The following FXYD6 variants were observed in gnomAD, a reference collection of about 807,000 sequenced individuals.
FXYD6 encodes FXYD domain-containing ion transport regulator 6.
A neutral mutation model predicts 16.7 loss-of-function variants in FXYD6; 7 were observed. The observed-to-expected ratio is 0.42, with a 90% CI of 0.24 to 0.79. FXYD6 has a LOEUF of 0.79. Ranked by LOEUF, FXYD6 falls within the 30% of genes least tolerant of loss-of-function variation. The pLI, the probability that FXYD6 is intolerant of heterozygous loss-of-function variation, is 0.28. For synonymous variants in FXYD6, 49 were observed against 43.0 expected, an observed-to-expected ratio of 1.14 and a Z score of -0.54; for missense variants, 111 against 116.2, an observed-to-expected ratio of 0.95 and a Z score of 0.21.
intron 1 of FXYD6, among the ~76,000 whole-genome samples, chr11:117,867,346 C>G (rs1387976650): frequency 1.3e-5 from 2 of 152,226 alleles, no homozygotes; most frequent in African/African-American, 4.8e-5. Context: ...TCTCCTTCCC[C>G]ATCTCCACAC....
intron 5 of FXYD6, 29 bp downstream of exon 5, chr11:117,841,119 C>T (rs1340097893): frequency 3.1e-6 from 5 of 1,614,020 alleles, no homozygotes; most frequent in Non-Finnish European, 4.2e-6. Context: ...AGTATCACCC[C>T]CCCAAGGCCA....
chr11:117,841,598 T>C, intron 4 of FXYD6, 193 bp downstream of exon 4: 1 of 635,698 alleles, frequency 1.6e-6, no homozygotes, highest in Non-Finnish European at 2.8e-6. Flanking sequence ...GACATTTTCT[T>C]TGTTCCCGTG....
chr11:117,873,571 G>A (rs1441691037), intron 1 of FXYD6, among the ~76,000 whole-genome samples: 3 of 152,226 alleles, frequency 2.0e-5, no homozygotes, highest in Admixed American at 1.3e-4. Flanking sequence ...CAGGCTCCCT[G>A]CCTCCTTGGG....
chr11:117,867,039 T>A (rs2057027781), intron 1 of FXYD6, among the ~76,000 whole-genome samples: 1 of 152,198 alleles, frequency 6.6e-6, no homozygotes, highest in Non-Finnish European at 1.5e-5. Flanking sequence ...ATCCTAACAG[T>A]CATTTATATC....
chr11:117,867,054 C>A (rs922230092), intron 1 of FXYD6, among the ~76,000 whole-genome samples: 2 of 152,168 alleles, frequency 1.3e-5, no homozygotes, highest in African/African-American at 4.8e-5. Context: ...TATATCTTGG[C>A]CTGAGTTATT....
intron 1 of FXYD6, among the ~76,000 whole-genome samples, chr11:117,853,537 A>T (rs2056653859): frequency 6.6e-6 from 1 of 152,084 alleles, no homozygotes; most frequent in African/African-American, 2.4e-5. Context: ...TCACTGTGTC[A>T]CTCAGGCTGG....
chr11:117,842,200 TA>T, intron 2 of FXYD6, 172 bp from the exon 3 acceptor site: 1 of 938,060 alleles, frequency 1.1e-6, no homozygotes, highest in Non-Finnish European at 1.6e-6. Flanking sequence ...GTTAGGGGGT[TA>T]GGGGAACCCT....
At chr11:117,863,126 G>T (rs1233988639) in intron 1 of FXYD6, among the ~76,000 whole-genome samples, 3 of 152,094 alleles carry the variant, frequency 2.0e-5, no homozygotes, top group Admixed American at 2.0e-4. Flanking sequence ...TTATGCTATT[G>T]CCCAAGGCCC....
At chr11:117,846,722 G>T (rs887048128) in intron 1 of FXYD6, among the ~76,000 whole-genome samples, 1 of 152,090 alleles carries the variant, frequency 6.6e-6, no homozygotes, top group Non-Finnish European at 1.5e-5. Context: ...TGGGTCTCTT[G>T]GTCAATTTGT....
At position 117,872,061 on chromosome 11, in the gene FXYD6, T is replaced by C. The variant is rs1398732718; in HGVS notation, c.-6+4531A>G. Among the ~76,000 whole-genome samples, 1 of 152,086 alleles carries C rather than the reference T, an allele frequency of 6.6e-6. No homozygotes were observed. The highest frequency in any genetic ancestry group is 1.5e-5 in the Non-Finnish European group (1 of 68,022). Reference sequence around the variant, plus strand: ...GCTTATTAATAGGCACTGGTGAGCCTGGGGAGGTTTTTGAGCAGAGGAGTG... The same window carrying C: ...GCTTATTAATAGGCACTGGTGAGCCCGGGGAGGTTTTTGAGCAGAGGAGTG... On this transcript the variant is annotated intron_variant, in intron 1 of 7. Coordinates refer to ENST00000526014, the MANE Select transcript of FXYD6 (RefSeq NM_022003.4). This position sits in a 1 kb window ranked among gnomAD's most constrained non-coding sequence, Gnocchi z 4.9.
At chr11:117,866,991 T>G (rs1400734863) in intron 1 of FXYD6, among the ~76,000 whole-genome samples, 4 of 152,216 alleles carry the variant, frequency 2.6e-5, no homozygotes, top group Non-Finnish European at 5.9e-5. Context: ...GGAGAGACGT[T>G]TAAATGTCAC....
chr11:117,842,659 G>A lies in FXYD6; in HGVS notation c.58+60C>T, dbSNP rs1472087697. On this transcript the variant is annotated intron_variant, in intron 2 of 7. Coordinates refer to ENST00000526014, the MANE Select transcript of FXYD6 (RefSeq NM_022003.4). ...GTCCCAAGGGGCCCAGAACCTTCCA[G>A]CAGAGAGGGCTGGACAGGGTTGTCA... is the stretch of plus-strand genomic sequence containing the variant. 4.6e-6 allele frequency: 7 copies of A among 1,528,344 alleles called. No homozygotes were observed. In the East Asian group the frequency reaches 1.7e-4, roughly 37 times the overall value. The allele number at this position is 1,528,344 out of a possible 1,614,324, so 94.7% of individuals were successfully genotyped here. A position where few individuals can be genotyped will look rare whatever the true frequency, so the allele number is the denominator to read the frequency against.
At chr11:117,840,430 G>C (rs775160010) in intron 5 of FXYD6, 62 bp from the exon 6 acceptor site, 1 of 1,608,950 alleles carries the variant, frequency 6.2e-7, no homozygotes. Context: ...AGAGAGCATC[G>C]TTCTGCTCCT....
chr11:117,875,286 T>C (rs1251636241), intron 1 of FXYD6, among the ~76,000 whole-genome samples: 1 of 152,028 alleles, frequency 6.6e-6, no homozygotes, highest in Non-Finnish European at 1.5e-5. Flanking sequence ...TATGTCTGTA[T>C]GTGTTTGTGG....
At position 117,836,989 on chromosome 11, in the gene FXYD6, A is replaced by C. The variant is rs548223913; in HGVS notation, c.*1310T>G. The C allele has an allele frequency of 2.0e-5, 3 of 152,370 alleles. No individual in the cohort carries two copies. The East Asian group carries it at 5.8e-4, about 29-fold the overall frequency. 9.4% of individuals were successfully genotyped at this position (152,370 alleles called of 1,614,324 possible). A position where few individuals can be genotyped will look rare whatever the true frequency, so the allele number is the denominator to read the frequency against. On this transcript the variant is annotated 3_prime_UTR_variant, in exon 8 of 8. Coordinates refer to ENST00000526014, the MANE Select transcript of FXYD6 (RefSeq NM_022003.4). ...AAGCACCTCCGAGCCACTAGGAAAC[A>C]AAGGATATTTTATTCCTTTTTTCTG...
At chr11:117,839,672 CT>C in intron 7 of FXYD6, 108 bp downstream of exon 7, 1 of 1,323,400 alleles carries the variant, frequency 7.6e-7, no homozygotes, top group Non-Finnish European at 1.1e-6. Context: ...ATAATAAAAG[CT>C]GTGCCCACTG....
At chr11:117,859,253 C>T (rs969189603) in intron 1 of FXYD6, among the ~76,000 whole-genome samples, 17 of 152,180 alleles carry the variant, frequency 1.1e-4, no homozygotes, top group African/African-American at 9.7e-5. Context: ...GAGCCACTGG[C>T]GGGCAAATGT....
intron 1 of FXYD6, among the ~76,000 whole-genome samples, chr11:117,849,736 G>A (rs1409306406): frequency 7.2e-5 from 11 of 151,986 alleles, no homozygotes; most frequent in Non-Finnish European, 1.6e-4. Context: ...CCATGAAGCT[G>A]AAGGCCGTGG....
chr11:117,852,113 C>G (rs1409374044), intron 1 of FXYD6, among the ~76,000 whole-genome samples: 7 of 152,240 alleles, frequency 4.6e-5, no homozygotes, highest in African/African-American at 4.8e-5. Flanking sequence ...AAGATGGGAA[C>G]CTCAGTTCTT....
Sources: gnomAD v4.1 joint callset for allele counts (sites outside exome capture counted in the v4.1 genomes callset) on GRCh38, gnomAD v4.1.1 for gene constraint, Gnocchi (gnomAD v3.1) non-coding constraint, MANE v1.5 for transcripts, NCBI Gene and HGNC (gene_info 2026-07-23, HGNC 2026-07-21) for gene names.